The following DCUN1D5 variants were observed in gnomAD, a reference collection of about 807,000 sequenced individuals.
The protein encoded by DCUN1D5 is DCN1-like protein 5.
Under a neutral mutation model 38.3 loss-of-function variants are expected in DCUN1D5, and 10 were observed. The observed-to-expected ratio is 0.26, with a 90% CI of 0.16 to 0.44. The LOEUF is 0.44. Among genes scored for constraint, DCUN1D5 ranks in the 20% least tolerant of loss-of-function variants. The pLI, the probability that DCUN1D5 is intolerant of heterozygous loss-of-function variation, is 1.00. For missense variants in DCUN1D5, 148 were observed against 275.3 expected, an observed-to-expected ratio of 0.54 and a Z score of 3.27; for synonymous variants, 93 against 90.9, an observed-to-expected ratio of 1.02 and a Z score of -0.13.
In DCUN1D5 at chr11:103,062,506, G is replaced by A; in HGVS notation, c.659-92C>T. Reference sequence around the variant, plus strand: ...CCCCACGAGCTCTGCAATGACAGAGGAATGACCCTTCCTTTCTTTGGGTGT... The same window carrying A: ...CCCCACGAGCTCTGCAATGACAGAGAAATGACCCTTCCTTTCTTTGGGTGT... On this transcript the variant is annotated intron_variant, in intron 7 of 7. Coordinates refer to ENST00000260247, the MANE Select transcript of DCUN1D5 (RefSeq NM_032299.4). This position sits in a 1 kb window ranked among gnomAD's most constrained non-coding sequence, Gnocchi z 4.6. 1 of 1,058,864 alleles carries A rather than the reference G, an allele frequency of 9.4e-7. No homozygotes were observed. Among genetic ancestry groups the A allele is most frequent in the East Asian group, 2.4e-5 (1 of 41,670 alleles). The allele number at this position is 1,058,864 out of a possible 1,614,324, so 65.6% of individuals were successfully genotyped here.
intron 4 of DCUN1D5, 87 bp downstream of exon 4, chr11:103,082,661 C>T (rs1334099626): frequency 1.1e-6 from 1 of 876,076 alleles, no homozygotes; most frequent in African/African-American, 1.7e-5. Context: ...TAAGGTGAAA[C>T]CTTACTCCTG....
At position 103,071,766 on chromosome 11, in the gene DCUN1D5, T is replaced by C. The variant is rs947251461; in HGVS notation, c.342-5199A>G. Reference sequence around the variant, plus strand: ...AGTAGACCTGTTATTATTAACGAAATTGAACTCAAAATTTTTAAACTTTCA... The same window carrying C: ...AGTAGACCTGTTATTATTAACGAAACTGAACTCAAAATTTTTAAACTTTCA... On this transcript the variant is annotated intron_variant, in intron 4 of 7. Transcript: ENST00000260247. This position sits in a 1 kb window ranked among gnomAD's most constrained non-coding sequence, Gnocchi z 4.1. Among the ~76,000 whole-genome samples the C allele has an allele frequency of 5.3e-5, 8 of 150,918 alleles. No individual in the cohort carries two copies. Among genetic ancestry groups the C allele is most frequent in the Non-Finnish European group, 1.5e-5 (1 of 67,634 alleles).
In DCUN1D5 at chr11:103,059,613, A is replaced by G. The variant is rs912051985; in HGVS notation, c.*2746T>C. 1.3e-5 allele frequency among the ~76,000 whole-genome samples: 2 copies of G among 152,200 alleles called. No homozygotes were observed. The highest frequency in any genetic ancestry group is 2.4e-5 in the African/African-American group (1 of 41,458). Reference sequence around the variant, plus strand: ...TTAAGAAATAAGAAATCATTAGACAATAGAAGACAAACATGGTAATGCAGT... The same window carrying G: ...TTAAGAAATAAGAAATCATTAGACAGTAGAAGACAAACATGGTAATGCAGT... On this transcript the variant is annotated 3_prime_UTR_variant, in exon 8 of 8. Transcript: ENST00000260247.
intron 4 of DCUN1D5, among the ~76,000 whole-genome samples, chr11:103,079,615 C>A (rs1343850122): frequency 6.6e-6 from 1 of 151,018 alleles, no homozygotes; most frequent in Non-Finnish European, 1.5e-5. Context: ...CATAGTGAGA[C>A]CCTGTCTCTC....
At position 103,091,084 on chromosome 11, in the gene DCUN1D5, A is replaced by G. The variant is rs1029307126; in HGVS notation, c.86+703T>C. Among the ~76,000 whole-genome samples, 5 of 152,190 alleles carry G rather than the reference A, an allele frequency of 3.3e-5. No homozygotes were observed. Among genetic ancestry groups the G allele is most frequent in the African/African-American group, 1.2e-4 (5 of 41,434 alleles). ...CTTTCTTACCAGTAGGACAGAGTAC[A>G]AGAGCTCACAAATTATTTAATTTAT... On this transcript the variant is annotated intron_variant, in intron 1 of 7. Coordinates refer to ENST00000260247, the MANE Select transcript of DCUN1D5 (RefSeq NM_032299.4). This position sits in a 1 kb window ranked among gnomAD's most constrained non-coding sequence, Gnocchi z 4.3.
chr11:103,091,711 G>A lies in DCUN1D5; in HGVS notation c.86+76C>T, dbSNP rs757048861. ...GTCTCCAGCCCCAGCCCGGCAGGCC[G>A]GGCCCGACTCCTTTTCCTCCAGTTG... On this transcript the variant is annotated intron_variant, in intron 1 of 7. Coordinates refer to ENST00000260247, the MANE Select transcript of DCUN1D5 (RefSeq NM_032299.4). The surrounding 1 kb of genome is among the most constrained non-coding windows in gnomAD (Gnocchi z 4.3). 4 of 1,610,574 alleles carry A rather than the reference G, an allele frequency of 2.5e-6. No homozygotes were observed. In the African/African-American group the frequency reaches 4.0e-5, roughly 16 times the overall value.
Position 103,066,428 on chromosome 11 carries a change from T to C in DCUN1D5, c.450+31A>G, listed in dbSNP as rs746079496. On this transcript the variant is annotated intron_variant, in intron 5 of 7. Transcript: ENST00000260247. This position sits in a 1 kb window ranked among gnomAD's most constrained non-coding sequence, Gnocchi z 4.7. ...GTGTGGTCTCAAGATGAAAAGCTAT[T>C]AAAACAACAAAACAAGAAAATTGCA... 2.5e-6 allele frequency: 4 copies of C among 1,593,126 alleles called. No individual in the cohort carries two copies. The highest frequency in any genetic ancestry group is 2.6e-6 in the Non-Finnish European group (3 of 1,165,132).
chr11:103,073,183 G>A lies in DCUN1D5; in HGVS notation c.342-6616C>T, dbSNP rs2134616523. On this transcript the variant is annotated intron_variant, in intron 4 of 7. Coordinates refer to ENST00000260247, the MANE Select transcript of DCUN1D5 (RefSeq NM_032299.4). The surrounding 1 kb of genome is among the most constrained non-coding windows in gnomAD (Gnocchi z 4.2). ...CTTAGGTGTAATTCTAACAAAAGATGTACAGGACGTATATGCCGAAAACTA... is the reference window on the plus strand; with the variant it reads ...CTTAGGTGTAATTCTAACAAAAGATATACAGGACGTATATGCCGAAAACTA... 6.6e-6 allele frequency among the ~76,000 whole-genome samples: 1 copy of A among 152,072 alleles called. No individual in the cohort carries two copies. Among genetic ancestry groups the A allele is most frequent in the African/African-American group, 2.4e-5 (1 of 41,500 alleles).
rs1217677228 is a variant in DCUN1D5, at chr11:103,091,455, G to A, written c.86+332C>T. The A allele has an allele frequency of 3.0e-5, 10 of 330,766 alleles. No individual in the cohort carries two copies. Among genetic ancestry groups the A allele is most frequent in the South Asian group, 2.4e-4 (9 of 37,456 alleles). The allele number at this position is 330,766 out of a possible 1,614,324, so 20.5% of individuals were successfully genotyped here. A position where few individuals can be genotyped will look rare whatever the true frequency, so the allele number is the denominator to read the frequency against. On this transcript the variant is annotated intron_variant, in intron 1 of 7. Coordinates refer to ENST00000260247, the MANE Select transcript of DCUN1D5 (RefSeq NM_032299.4). The surrounding 1 kb of genome is among the most constrained non-coding windows in gnomAD (Gnocchi z 4.3). ...AGAAAAAGGCAGAGGAGCGATACGG[G>A]AGTAGGGGATCGAGGGTCGGTTGTG...
At chr11:103,072,044 A>G (rs928306667) in intron 4 of DCUN1D5, among the ~76,000 whole-genome samples, 2 of 147,980 alleles carry the variant, frequency 1.4e-5, no homozygotes, top group African/African-American at 4.9e-5. Context: ...TAAAACTCAG[A>G]AAAAAAAAAA....
rs1862428289 is a variant in DCUN1D5 at position 103,077,102 on chromosome 11, A to C, written c.341+5646T>G. ...GTAGTCCCAGCTACTCAGGAGTCTG[A>C]AGCAGGGGAATGGCGTGAACCCGGG... is the stretch of plus-strand genomic sequence containing the variant. On this transcript the variant is annotated intron_variant, in intron 4 of 7. Transcript: ENST00000260247. This position sits in a 1 kb window ranked among gnomAD's most constrained non-coding sequence, Gnocchi z 4.3. 6.6e-6 allele frequency among the ~76,000 whole-genome samples: 1 copy of C among 152,172 alleles called. No individual in the cohort carries two copies. Among genetic ancestry groups the C allele is most frequent in the African/African-American group, 2.4e-5 (1 of 41,446 alleles).
At position 103,073,086 on chromosome 11, in the gene DCUN1D5, A is replaced by G. The variant is rs1862321391; in HGVS notation, c.342-6519T>C. 6.6e-6 allele frequency among the ~76,000 whole-genome samples: 1 copy of G among 152,212 alleles called. No individual in the cohort carries two copies. Among genetic ancestry groups the G allele is most frequent in the South Asian group, 2.1e-4 (1 of 4,834 alleles). ...ATATAAAAATCAATTGTATTTCTAT[A>G]TATTAGTAATGAACATGTGGACACT... On this transcript the variant is annotated intron_variant, in intron 4 of 7. Coordinates refer to ENST00000260247, the MANE Select transcript of DCUN1D5 (RefSeq NM_032299.4). This position sits in a 1 kb window ranked among gnomAD's most constrained non-coding sequence, Gnocchi z 4.2.
Position 103,092,061 on chromosome 11 carries a change from A to T in DCUN1D5, c.-189T>A. ...CAGGTATCCTCGTCGTCTTTCTCTG[A>T]CCGGGACAGGGCTGGCTCCTCGCCG... On this transcript the variant is annotated 5_prime_UTR_variant, in exon 1 of 8. Transcript: ENST00000260247. The T allele has an allele frequency of 1.7e-6, 1 of 596,572 alleles. No homozygotes were observed. Among genetic ancestry groups the T allele is most frequent in the South Asian group, 2.0e-5 (1 of 49,922 alleles). The allele number at this position is 596,572 out of a possible 1,614,324, so 37.0% of individuals were successfully genotyped here.
intron 3 of DCUN1D5, 94 bp from the exon 4 acceptor site, chr11:103,082,933 T>C (rs1403242589): frequency 4.4e-6 from 4 of 903,006 alleles, no homozygotes; most frequent in Admixed American, 4.4e-5. Context: ...CACAACTACT[T>C]CCATCCTTCA....
chr11:103,064,364 C>T lies in DCUN1D5; in HGVS notation c.569G>A (p.Arg190His), dbSNP rs756206539. 7.2e-5 allele frequency: 115 copies of T among 1,593,614 alleles called. No individual in the cohort carries two copies. Among genetic ancestry groups the T allele is most frequent in the Non-Finnish European group, 9.5e-5 (111 of 1,170,498 alleles). Reference protein sequence around the residue: ...FYQYLEQSKYRVMNKDQWYNV... With the variant: ...FYQYLEQSKYHVMNKDQWYNV... ...GTACCATTGATCTTTGTTCATAACA[C>T]GATACTTTGATTGCTGCAAAAATGA... Residue 190 changes from arginine (R) to histidine (H), a missense_variant, in exon 7 of 8, where the codon CGT becomes CAT. Arg to His is a conservative substitution (Grantham distance 29). Coordinates refer to ENST00000260247, the MANE Select transcript of DCUN1D5 (RefSeq NM_032299.4). This position sits in a 1 kb window ranked among gnomAD's most constrained non-coding sequence, Gnocchi z 4.5.
In DCUN1D5 at chr11:103,062,633, C is replaced by T. The variant is rs1481091140; in HGVS notation, c.659-219G>A. Among the ~76,000 whole-genome samples, 1 of 152,044 alleles carries T rather than the reference C, an allele frequency of 6.6e-6. No homozygotes were observed. Among genetic ancestry groups the T allele is most frequent in the Non-Finnish European group, 1.5e-5 (1 of 67,964 alleles). ...GAACAATGGTATCTATAGCAACTTC[C>T]TTCTCAAGGTGTTTCATGAACCCTC... is the stretch of plus-strand genomic sequence containing the variant. On this transcript the variant is annotated intron_variant, in intron 7 of 7. Transcript: ENST00000260247. The surrounding 1 kb of genome is among the most constrained non-coding windows in gnomAD (Gnocchi z 4.6).
chr11:103,062,852 G>C lies in DCUN1D5; in HGVS notation c.659-438C>G, dbSNP rs568892853. ...TTCCAATAACAGGATGTAGTACAAAGCTGAACACAAAGCAAGTGCCTAATG... is the reference window on the plus strand; with the variant it reads ...TTCCAATAACAGGATGTAGTACAAACCTGAACACAAAGCAAGTGCCTAATG... On this transcript the variant is annotated intron_variant, in intron 7 of 7. Transcript: ENST00000260247. This position sits in a 1 kb window ranked among gnomAD's most constrained non-coding sequence, Gnocchi z 4.6. Among the ~76,000 whole-genome samples, 13 of 152,218 alleles carry C rather than the reference G, an allele frequency of 8.5e-5. No homozygotes were observed. The highest frequency in any genetic ancestry group is 2.6e-4 in the Admixed American group (4 of 15,278).
chr11:103,081,081 TC>T (rs754883312), intron 4 of DCUN1D5, among the ~76,000 whole-genome samples: 1 of 152,154 alleles, frequency 6.6e-6, no homozygotes, highest in Non-Finnish European at 1.5e-5. Flanking sequence ...TGTTGATTAT[TC>T]AGAAGTATAT....
intron 4 of DCUN1D5, among the ~76,000 whole-genome samples, chr11:103,072,473 G>A (rs924660008): frequency 6.6e-6 from 1 of 151,638 alleles, no homozygotes; most frequent in African/African-American, 2.4e-5. Context: ...TATGTTTACT[G>A]TGGCACTATT....
Sources: allele counts gnomAD v4.1 joint callset (sites outside exome capture counted in the v4.1 genomes callset), GRCh38; gene constraint gnomAD v4.1.1; non-coding constraint Gnocchi (gnomAD v3.1); transcripts MANE v1.5; gene names NCBI Gene and HGNC (gene_info 2026-07-23, HGNC 2026-07-21).